The following ARSG variants were observed in gnomAD, a reference collection of about 807,000 sequenced individuals.
The protein encoded by ARSG is arylsulfatase G, also known as ASG.
In ARSG, 37 loss-of-function variants were observed where a neutral mutation model predicts 50.5. The ratio of observed to expected loss-of-function variants is 0.73; its 90% CI spans 0.56 to 0.96. The LOEUF (loss-of-function observed/expected upper bound fraction) is 0.96, where lower values mean the gene tolerates loss of function less well. ARSG is among the 50% of genes least tolerant of loss of function. The pLI is 0.00. For missense variants in ARSG, 629 were observed against 675.3 expected (o/e 0.93, Z 0.76); for synonymous variants, 225 against 254.6 (o/e 0.88, Z 1.11).
At chr17:68,330,761 A>C (rs557076329) in intron 2 of ARSG, among the ~76,000 whole-genome samples, 1 of 152,134 alleles carries the variant, frequency 6.6e-6, no homozygotes, top group South Asian at 2.1e-4. Context: ...CTGGCCTGGG[A>C]AGCCCATTGG....
At chr17:68,416,980 A>AT (rs1352700159) in intron 11 of ARSG, among the ~76,000 whole-genome samples, 2 of 151,798 alleles carry the variant, frequency 1.3e-5, no homozygotes, top group Non-Finnish European at 2.9e-5. Context: ...TTAATCAGGG[A>AT]TTTTTTTCTT....
chr17:68,262,813 T>G (rs7220544), intron 1 of ARSG, among the ~76,000 whole-genome samples: 96,390 of 151,938 alleles, frequency 0.63, 31,677 homozygotes, highest in African/African-American at 0.78. Context: ...TTGAGGAGGA[T>G]GATCCAGAGT....
intron 1 of ARSG, chr17:68,268,823 T>G: frequency 2.1e-6 from 1 of 469,452 alleles, no homozygotes; most frequent in Non-Finnish European, 3.7e-6. Flanking sequence ...TACATATCTC[T>G]TGTATTGCTA....
chr17:68,347,108 C>G lies in ARSG; in HGVS notation c.407-17C>G. On this transcript the variant is annotated splice_polypyrimidine_tract_variant and intron_variant, in intron 3 of 11. Coordinates refer to ENST00000621439, the MANE Select transcript of ARSG (RefSeq NM_001267727.2). ...TATGGGGATTCCTCTGAAAATCTCT[C>G]TTATGTTTTTCTACAGGCAAATGGC... 6.2e-7 allele frequency: 1 copy of G among 1,613,708 alleles called. No homozygotes were observed. The highest frequency in any genetic ancestry group is 8.5e-7 in the Non-Finnish European group (1 of 1,179,666).
In ARSG at chr17:68,420,296, GGTGGTGCGGAGTACCAGGCT is replaced by G. The variant is rs2082689964; in HGVS notation, c.1415_1434del (p.Gly472AlafsTer36). On this transcript the variant is annotated frameshift_variant, in exon 12 of 12. Transcript: ENST00000621439. LOFTEE classifies it low-confidence loss of function (END_TRUNC). ...CGCAGAAGCTGTGCCCCTAGAAAGA[GGTGGTGCGGAGTACCAGGCT>G]GTGCTGCCCGAGGTCAGAAAGGTTC... 1 of 1,614,132 alleles carries G rather than the reference GGTGGTGCGGAGTACCAGGCT, an allele frequency of 6.2e-7. No homozygotes were observed. The highest frequency in any genetic ancestry group is 8.5e-7 in the Non-Finnish European group (1 of 1,180,034).
At chr17:68,283,986 G>C (rs1325514103) in intron 1 of ARSG, among the ~76,000 whole-genome samples, 3 of 151,498 alleles carry the variant, frequency 2.0e-5, no homozygotes, top group Non-Finnish European at 4.4e-5. Flanking sequence ...AGCTACCCAG[G>C]AGGCTGAGGC....
At chr17:68,313,598 G>A (rs9905562) in intron 2 of ARSG, among the ~76,000 whole-genome samples, 104,505 of 151,622 alleles carry the variant, frequency 0.69, 38,659 homozygotes, top group Non-Finnish European at 0.83. Context: ...ATAAGGTCAC[G>A]TCACAGGTTC....
At chr17:68,297,705 G>GGA (rs2076256553) in intron 1 of ARSG, among the ~76,000 whole-genome samples, 1 of 152,198 alleles carries the variant, frequency 6.6e-6, no homozygotes, top group Non-Finnish European at 1.5e-5. Flanking sequence ...GGGGTCAGGT[G>GGA]ATCCTCCTGT....
At chr17:68,424,565 C>T (rs781539636), downstream of ARSG, 2 of 521,166 alleles carry the variant, frequency 3.8e-6, no homozygotes, top group Admixed American at 2.0e-5. Context: ...GGAGCTGATG[C>T]TCCAAGTCTT....
chr17:68,447,854 G>T, the ARSG span, among the ~76,000 whole-genome samples: 4 of 151,816 alleles, frequency 2.6e-5, no homozygotes, highest in East Asian at 7.7e-4. Flanking sequence ...TTAGCCGGGC[G>T]TGGTGGCAGG....
chr17:68,410,887 C>T (rs1012438917), intron 11 of ARSG, among the ~76,000 whole-genome samples: 20 of 152,296 alleles, frequency 1.3e-4, no homozygotes, highest in Non-Finnish European at 2.9e-5. Context: ...TCCATTTCTT[C>T]TAGATTTTCT....
chr17:68,309,424 G>A (rs949188213), intron 2 of ARSG, among the ~76,000 whole-genome samples: 8 of 152,244 alleles, frequency 5.3e-5, no homozygotes, highest in Non-Finnish European at 8.8e-5. Context: ...AGGAGGCGCC[G>A]AGAGCGAGCG....
chr17:68,420,934 T>G (rs1001126417), downstream of ARSG: 16 of 160,862 alleles, frequency 9.9e-5, no homozygotes, highest in Non-Finnish European at 2.2e-4. Context: ...CTTCTCTCTC[T>G]TTTCTCTTTT....
rs374300729 is a variant in ARSG, at chr17:68,371,049, G to A, written c.982+525G>A. On this transcript the variant is annotated intron_variant, in intron 8 of 11. Coordinates refer to ENST00000621439, the MANE Select transcript of ARSG (RefSeq NM_001267727.2). ...GAAAAAGAGAGGCTAGGCCGGGCGC[G>A]GTGGCTCACGCCTGTAATCCCAGCA... 1.6e-4 allele frequency among the ~76,000 whole-genome samples: 25 copies of A among 152,196 alleles called. No individual in the cohort carries two copies. In the South Asian group the frequency reaches 3.5e-3, roughly 21 times the overall value.
rs559388371 is a variant in ARSG at position 68,335,256 on chromosome 17, G to C, written c.219-8348G>C. On this transcript the variant is annotated intron_variant, in intron 2 of 11. Coordinates refer to ENST00000621439, the MANE Select transcript of ARSG (RefSeq NM_001267727.2). ...TCAAGCAATTATCACTGTTGTAGTTGAGTGTTATAAGAGATATGTCGGCCA... is the reference window on the plus strand; with the variant it reads ...TCAAGCAATTATCACTGTTGTAGTTCAGTGTTATAAGAGATATGTCGGCCA... Among the ~76,000 whole-genome samples the C allele has an allele frequency of 5.3e-5, 8 of 152,112 alleles. No individual in the cohort carries two copies. In the East Asian group the frequency reaches 1.5e-3, roughly 29 times the overall value.
In ARSG at chr17:68,399,051, G is replaced by T. The variant is rs533867104; in HGVS notation, c.1213-2309G>T. Among the ~76,000 whole-genome samples, 2 of 152,190 alleles carry T rather than the reference G, an allele frequency of 1.3e-5. No individual in the cohort carries two copies. Among genetic ancestry groups the T allele is most frequent in the African/African-American group, 4.8e-5 (2 of 41,440 alleles). ...CCCCAGGTTGTCATGATCAGGTCCA[G>T]AAATTGTCAACGAAGGAACGTTTCC... On this transcript the variant is annotated intron_variant, in intron 10 of 11. Transcript: ENST00000621439. The surrounding 1 kb of genome is among the most constrained non-coding windows in gnomAD (Gnocchi z 4.6).
intron 1 of ARSG, among the ~76,000 whole-genome samples, chr17:68,270,139 TTC>T (rs2075289067): frequency 6.6e-6 from 1 of 152,188 alleles, no homozygotes; most frequent in South Asian, 2.1e-4. Flanking sequence ...CCAAATACCT[TTC>T]CTAAGAAAGG....
At chr17:68,288,230 G>A (rs1555754843), upstream of ARSG, among the ~76,000 whole-genome samples, 1 of 151,848 alleles carries the variant, frequency 6.6e-6, no homozygotes. Flanking sequence ...TCAAACTCCT[G>A]ACCTTGTGAT....
intron 2 of ARSG, among the ~76,000 whole-genome samples, chr17:68,320,359 G>A (rs1555770151): frequency 2.0e-5 from 3 of 152,060 alleles, no homozygotes; most frequent in Non-Finnish European, 1.5e-5. Flanking sequence ...GCAAAGTCAA[G>A]AGGTCATGAG....
Sources: gnomAD v4.1 joint callset for allele counts (sites outside exome capture counted in the v4.1 genomes callset) on GRCh38, gnomAD v4.1.1 for gene constraint, Gnocchi (gnomAD v3.1) non-coding constraint, MANE v1.5 for transcripts, NCBI Gene and HGNC (gene_info 2026-07-23, HGNC 2026-07-21) for gene names.